NTN1: variants seen among roughly 807,000 people sequenced by gnomAD.
The protein encoded by NTN1 is netrin-1.
In NTN1, 11 loss-of-function variants were observed where a neutral mutation model predicts 54.2. The observed-to-expected ratio is 0.20, with a 90% CI of 0.13 to 0.34. NTN1 has a LOEUF of 0.34. Ranked by LOEUF, NTN1 falls within the 10% of genes least tolerant of loss-of-function variation. NTN1 has a pLI of 1.00. For missense variants in NTN1, 740 were observed against 893.1 expected (o/e 0.83, Z 2.18); for synonymous variants, 371 against 382.0 (o/e 0.97, Z 0.33).
At chr17:9,101,675 C>T (rs1440365426) in intron 2 of NTN1, among the ~76,000 whole-genome samples, 2 of 152,104 alleles carry the variant, frequency 1.3e-5, no homozygotes, top group African/African-American at 4.8e-5. Context: ...CCCTGCCTTG[C>T]CTTCTTATTG....
At position 9,022,454 on chromosome 17, in the gene NTN1, G is replaced by T. The variant is rs1032216664; in HGVS notation, c.81G>T (p.Gly27=). The change falls in exon 2 of 7, where the codon GGG becomes GGT. Residue 27 remains glycine, a synonymous_variant. Coordinates refer to ENST00000173229, the MANE Select transcript of NTN1 (RefSeq NM_004822.3). ...TGGGCGCGGTGCGCGGCGGGCCCGG[G>T]CTCAGCATGTTCGCGGGCCAGGCGG... ...CLVGAVRGGP[G]LSMFAGQAAQ... is the part of the protein sequence containing the mutation. The T allele has an allele frequency of 1.3e-6, 2 of 1,505,778 alleles. No homozygotes were observed. The highest frequency in any genetic ancestry group is 4.2e-5 in the Admixed American group (2 of 47,314). The allele number at this position is 1,505,778 out of a possible 1,614,324, so 93.3% of individuals were successfully genotyped here. A position where few individuals can be genotyped will look rare whatever the true frequency, so the allele number is the denominator to read the frequency against.
intron 2 of NTN1, among the ~76,000 whole-genome samples, chr17:9,090,936 G>A (rs1348314628): frequency 6.6e-6 from 1 of 152,078 alleles, no homozygotes; most frequent in Non-Finnish European, 1.5e-5. Context: ...GGGACCCTCA[G>A]CCTGGGCCCA....
chr17:9,116,179 G>C (rs1423739001), intron 2 of NTN1, among the ~76,000 whole-genome samples: 1 of 152,220 alleles, frequency 6.6e-6, no homozygotes, highest in East Asian at 1.9e-4. Flanking sequence ...CCACAGAGGC[G>C]AGTGGCTCTG....
intron 2 of NTN1, among the ~76,000 whole-genome samples, chr17:9,111,288 A>G (rs1319494650): frequency 1.3e-5 from 2 of 152,152 alleles, no homozygotes; most frequent in South Asian, 2.1e-4. Context: ...CAAAGATCCT[A>G]TGTCCAAATA....
chr17:9,187,499 G>A (rs915043204), intron 5 of NTN1, among the ~76,000 whole-genome samples: 8 of 152,082 alleles, frequency 5.3e-5, no homozygotes, highest in Non-Finnish European at 8.8e-5. Context: ...TCTATACAGG[G>A]ACTATTATTT....
intron 2 of NTN1, among the ~76,000 whole-genome samples, chr17:9,114,230 G>A (rs750437374): frequency 1.4e-5 from 2 of 143,226 alleles, no homozygotes; most frequent in Non-Finnish European, 3.0e-5. Context: ...TGACTTAAAA[G>A]GAGTAAGGGA....
Position 9,138,938 on chromosome 17 carries a change from A to C in NTN1, c.1019-23875A>C, listed in dbSNP as rs186986448. ...AGTGAGCAGATGCATCCAGGGCTCAAGTCCCCTCCGATATCCCTGAATGTG... is the reference window on the plus strand; with the variant it reads ...AGTGAGCAGATGCATCCAGGGCTCACGTCCCCTCCGATATCCCTGAATGTG... On this transcript the variant is annotated intron_variant, in intron 2 of 6. Transcript: ENST00000173229. Among the ~76,000 whole-genome samples the C allele has an allele frequency of 4.6e-3, 701 of 152,290 alleles. 4 individuals carry two copies. Among genetic ancestry groups the C allele is most frequent in the Non-Finnish European group, 8.0e-3 (547 of 68,022 alleles).
chr17:9,105,660 T>TC (rs2092163552), intron 2 of NTN1, among the ~76,000 whole-genome samples: 59 of 142,100 alleles, frequency 4.2e-4, no homozygotes, highest in African/African-American at 1.4e-3. Context: ...CTCTCTCTCT[T>TC]TCTCTCTCTC....
In NTN1 at chr17:9,107,819, A is replaced by C. The variant is rs554619692; in HGVS notation, c.1019-54994A>C. On this transcript the variant is annotated intron_variant, in intron 2 of 6. Transcript: ENST00000173229. ...GTGACAAAAACTGCATGGGCCGAAA[A>C]GCCCAAAATATTTACTATCTGGTCC... 2.0e-5 allele frequency among the ~76,000 whole-genome samples: 3 copies of C among 152,364 alleles called. No homozygotes were observed. In the South Asian group the frequency reaches 6.2e-4, roughly 32 times the overall value.
rs1207540547 is a variant in NTN1, at chr17:9,239,957, A to C, written c.1804A>C (p.Lys602Gln). Residue 602 changes from lysine (K) to glutamine (Q), a missense_variant, in exon 7 of 7, where the codon AAG becomes CAG. Physicochemically the swap from Lys to Gln is moderately conservative, Grantham distance 53. Transcript: ENST00000173229. The surrounding 1 kb of genome is among the most constrained non-coding windows in gnomAD (Gnocchi z 5.2). ...FQQREKKGKCKKA is the reference protein window; with the variant it reads ...FQQREKKGKCQKA ...GCAGCGTGAGAAGAAGGGCAAGTGC[A>C]AGAAGGCCTAGCGCCGAGGCAGCGG... 4 of 956,400 alleles carry C rather than the reference A, an allele frequency of 4.2e-6. No individual in the cohort carries two copies. The highest frequency in any genetic ancestry group is 2.2e-5 in the Admixed American group (1 of 45,060). 59.2% of individuals were successfully genotyped at this position (956,400 alleles called of 1,614,324 possible).
At chr17:9,080,866 C>G (rs1337834840) in intron 2 of NTN1, among the ~76,000 whole-genome samples, 1 of 152,174 alleles carries the variant, frequency 6.6e-6, no homozygotes, top group Admixed American at 6.5e-5. Context: ...GGTGATGGTC[C>G]CAGGGAGGGC....
chr17:9,197,618 G>T (rs1466663044), intron 5 of NTN1, among the ~76,000 whole-genome samples: 2 of 146,836 alleles, frequency 1.4e-5, no homozygotes, highest in African/African-American at 5.1e-5. Flanking sequence ...TGAGATCACA[G>T]CACTGCACTC....
intron 2 of NTN1, among the ~76,000 whole-genome samples, chr17:9,043,518 A>C (rs74571301): frequency 0.014 from 2,136 of 151,882 alleles, 22 homozygotes; most frequent in Middle Eastern, 0.037. Flanking sequence ...ACTATTCCAG[A>C]CTGCTGCTTA....
rs533098491 is a variant in NTN1 at position 9,221,030 on chromosome 17, C to T, written c.1412-138C>T. ...GAAGCGCAGGCCTTTCCTGAATGGC[C>T]GCCTGCCCGCCCGGCCTGGCCCATG... On this transcript the variant is annotated intron_variant, in intron 5 of 6. Coordinates refer to ENST00000173229, the MANE Select transcript of NTN1 (RefSeq NM_004822.3). The surrounding 1 kb of genome is among the most constrained non-coding windows in gnomAD (Gnocchi z 4.5). The T allele has an allele frequency of 1.4e-4, 105 of 730,824 alleles. No individual in the cohort carries two copies. The highest frequency in any genetic ancestry group is 1.4e-3 in the African/African-American group (82 of 57,324). 45.3% of individuals were successfully genotyped at this position (730,824 alleles called of 1,614,324 possible).
chr17:9,228,641 A>G (rs1288030840), intron 6 of NTN1, among the ~76,000 whole-genome samples: 2 of 152,230 alleles, frequency 1.3e-5, no homozygotes, highest in African/African-American at 2.4e-5. Context: ...AGAAATGTTT[A>G]TTAGTCACCC....
At chr17:9,017,757 C>T (rs944611318), upstream of NTN1, among the ~76,000 whole-genome samples, 3 of 152,182 alleles carry the variant, frequency 2.0e-5, no homozygotes, top group Non-Finnish European at 2.9e-5. Flanking sequence ...CATGCCTTCA[C>T]GGGTGTGTAT....
chr17:9,195,049 CT>C (rs1407057769), intron 5 of NTN1, among the ~76,000 whole-genome samples: 1 of 152,124 alleles, frequency 6.6e-6, no homozygotes, highest in Non-Finnish European at 1.5e-5. Context: ...CCTACACCCC[CT>C]ACCCCCACCT....
chr17:9,014,647 C>G, the NTN1 span, among the ~76,000 whole-genome samples: 1 of 152,234 alleles, frequency 6.6e-6, no homozygotes, highest in Admixed American at 6.5e-5. Context: ...GCTCACCCTC[C>G]TGGAGAGGCC....
intron 2 of NTN1, among the ~76,000 whole-genome samples, chr17:9,027,569 G>A (rs1220610502): frequency 6.6e-6 from 1 of 152,214 alleles, no homozygotes; most frequent in African/African-American, 2.4e-5. Flanking sequence ...ATATCCATGT[G>A]TAGGAGAAAG....
Sources: allele counts gnomAD v4.1 joint callset (sites outside exome capture counted in the v4.1 genomes callset), GRCh38; gene constraint gnomAD v4.1.1; non-coding constraint Gnocchi (gnomAD v3.1); transcripts MANE v1.5; gene names NCBI Gene and HGNC (gene_info 2026-07-23, HGNC 2026-07-21).